The following CACNA1C variants were observed in gnomAD, a reference collection of about 807,000 sequenced individuals.
CACNA1C encodes the protein voltage-dependent L-type calcium channel subunit alpha-1C.
Under a neutral mutation model 229.0 loss-of-function variants are expected in CACNA1C, and 30 were observed. The ratio of observed to expected loss-of-function variants is 0.13; its 90% CI spans 0.10 to 0.18. The LOEUF is 0.18. Among genes scored for constraint, CACNA1C ranks in the 10% least tolerant of loss-of-function variants. The pLI is 1.00. For synonymous variants in CACNA1C, 1,114 were observed against 1,132.5 expected, an observed-to-expected ratio of 0.98 and a Z score of 0.33; for missense variants, 1,658 against 2,845.0, an observed-to-expected ratio of 0.58 and a Z score of 9.49.
chr12:2,509,059 G>A (rs546415672), intron 8 of CACNA1C, among the ~76,000 whole-genome samples: 8 of 152,286 alleles, frequency 5.3e-5, no homozygotes, highest in East Asian at 3.9e-4. Flanking sequence ...TGGGAAGTGC[G>A]CCTCCAGTTG....
At chr12:2,003,912 T>C (rs988131582) in intron 1 of CACNA1C, among the ~76,000 whole-genome samples, 1 of 152,144 alleles carries the variant, frequency 6.6e-6, no homozygotes, top group Admixed American at 6.5e-5. Flanking sequence ...GCCTCCCCCA[T>C]AGCCACAGAT....
intron 1 of CACNA1C, among the ~76,000 whole-genome samples, chr12:2,062,622 C>T (rs928620001): frequency 2.0e-5 from 3 of 152,198 alleles, no homozygotes; most frequent in African/African-American, 7.2e-5. Context: ...ACCCCGCCTC[C>T]CCTCCTGGTC....
rs116896129 is a variant in CACNA1C at position 2,668,479 on chromosome 12, A to G, written c.4624-454A>G. 1,325 of 167,472 alleles carry G rather than the reference A, an allele frequency of 7.9e-3. 10 individuals carry two copies. Among genetic ancestry groups the G allele is most frequent in the Non-Finnish European group, 0.013 (1,021 of 77,368 alleles). The allele number at this position is 167,472 out of a possible 1,614,324, so 10.4% of individuals were successfully genotyped here. A position where few individuals can be genotyped will look rare whatever the true frequency, so the allele number is the denominator to read the frequency against. On this transcript the variant is annotated intron_variant, in intron 37 of 46. Transcript: ENST00000399655. Reference sequence around the variant, plus strand: ...TATTAGGCCATCCTTGCACTGCTGTAAAGAAATACCTGAGACTGGGTAATT... The same window carrying G: ...TATTAGGCCATCCTTGCACTGCTGTGAAGAAATACCTGAGACTGGGTAATT...
At chr12:2,498,540 G>T (rs552426245) in intron 7 of CACNA1C, among the ~76,000 whole-genome samples, 3 of 152,270 alleles carry the variant, frequency 2.0e-5, no homozygotes, top group Non-Finnish European at 4.4e-5. Context: ...CATTTATTGA[G>T]CATTTGCTGT....
At chr12:2,158,620 G>A (rs990537432) in intron 3 of CACNA1C, among the ~76,000 whole-genome samples, 2 of 152,306 alleles carry the variant, frequency 1.3e-5, no homozygotes, top group East Asian at 1.9e-4. Context: ...GCTAGAAGGC[G>A]AAGGAGAATT....
At chr12:2,075,922 A>G (rs1264605627) in intron 1 of CACNA1C, among the ~76,000 whole-genome samples, 1 of 152,194 alleles carries the variant, frequency 6.6e-6, no homozygotes, top group African/African-American at 2.4e-5. Context: ...AATAATCTCT[A>G]GAGACTGTCA....
intron 3 of CACNA1C, among the ~76,000 whole-genome samples, chr12:2,314,756 C>G (rs140476877): frequency 4.6e-5 from 7 of 151,948 alleles, no homozygotes; most frequent in African/African-American, 1.7e-4. Context: ...GTGTTTCTAC[C>G]CATTCTGTCA....
At chr12:2,135,897 TC>T (rs1267635984) in intron 3 of CACNA1C, among the ~76,000 whole-genome samples, 1 of 148,376 alleles carries the variant, frequency 6.7e-6, no homozygotes, top group Non-Finnish European at 1.5e-5. Context: ...CGGGCGCCCC[TC>T]CCCCAGCCTC....
intron 4 of CACNA1C, among the ~76,000 whole-genome samples, chr12:2,451,549 A>G (rs2099369988): frequency 6.6e-6 from 1 of 152,222 alleles, no homozygotes; most frequent in African/African-American, 2.4e-5. Context: ...GAGACAAGAA[A>G]TACAGGGTGA....
intron 3 of CACNA1C, among the ~76,000 whole-genome samples, chr12:2,304,353 G>T (rs2094835094): frequency 6.6e-6 from 1 of 152,220 alleles, no homozygotes; most frequent in East Asian, 1.9e-4. Context: ...TCAGGGTCAG[G>T]CTTCACCAAG....
intron 3 of CACNA1C, among the ~76,000 whole-genome samples, chr12:2,169,312 A>G (rs1379774480): frequency 6.6e-6 from 1 of 152,116 alleles, no homozygotes; most frequent in African/African-American, 2.4e-5. Context: ...TGACTAAATG[A>G]TATTGTCTTA....
intron 9 of CACNA1C, among the ~76,000 whole-genome samples, chr12:2,540,596 G>A (rs573706414): frequency 6.6e-6 from 1 of 152,182 alleles, no homozygotes; most frequent in Non-Finnish European, 1.5e-5. Flanking sequence ...AGCACACACA[G>A]GGCACGGCAG....
At chr12:2,565,391 C>T (rs1042299205) in intron 11 of CACNA1C, among the ~76,000 whole-genome samples, 9 of 151,166 alleles carry the variant, frequency 6.0e-5, no homozygotes, top group East Asian at 5.9e-4. Flanking sequence ...GGCGTGAACC[C>T]GGGAAGCGGA....
At chr12:2,350,262 TGATGA>T (rs2097166309) in intron 3 of CACNA1C, among the ~76,000 whole-genome samples, 1 of 152,078 alleles carries the variant, frequency 6.6e-6, no homozygotes, top group African/African-American at 2.4e-5. Context: ...GGGTGGGTTG[TGATGA>T]GATGAGTGAT....
chr12:2,542,561 A>G (rs370753003), intron 9 of CACNA1C, among the ~76,000 whole-genome samples: 7 of 152,276 alleles, frequency 4.6e-5, no homozygotes. Flanking sequence ...CAGCGAGTAA[A>G]CCCTCAGAGG....
intron 3 of CACNA1C, among the ~76,000 whole-genome samples, chr12:2,256,529 C>T (rs999314293): frequency 1.3e-5 from 2 of 152,138 alleles, no homozygotes; most frequent in Non-Finnish European, 2.9e-5. Flanking sequence ...AAGCTATAAT[C>T]CTGGCCCCTG....
intron 3 of CACNA1C, among the ~76,000 whole-genome samples, chr12:2,420,841 C>T (rs2098971157): frequency 6.6e-6 from 1 of 152,228 alleles, no homozygotes; most frequent in Admixed American, 6.5e-5. Flanking sequence ...CTCACGATCA[C>T]TGTGAAGATG....
At position 2,290,896 on chromosome 12, in the gene CACNA1C, C is replaced by T. The variant is rs1026827829; in HGVS notation, c.478-158080C>T. On this transcript the variant is annotated intron_variant, in intron 3 of 46. Coordinates refer to ENST00000399655, the MANE Select transcript of CACNA1C (RefSeq NM_000719.7). ...TGGGGACCTAGGGATGCTGTCTGGA[C>T]TGCTCTAAAATAGCCCTTCTGTGGC... Among the ~76,000 whole-genome samples the T allele has an allele frequency of 3.3e-5, 5 of 152,232 alleles. No homozygotes were observed. In the East Asian group the frequency reaches 7.7e-4, roughly 23 times the overall value.
rs1258421090 is a variant in CACNA1C, at chr12:2,585,492, C to T, written c.2456C>T (p.Thr819Ile). The change falls in exon 17 of 47, where the codon ACC becomes ATC. Residue 819 changes from threonine to isoleucine, a missense_variant. Thr to Ile is a moderately conservative substitution (Grantham distance 89). Coordinates refer to ENST00000399655, the MANE Select transcript of CACNA1C (RefSeq NM_000719.7). This position sits in a 1 kb window ranked among gnomAD's most constrained non-coding sequence, Gnocchi z 4.1. ...ITADGESPPA[T>I]KINMDDLQPN... ...GCTGACGGAGAGTCTCCACCCGCCA[C>T]CAAGGTGAGGAGCTGTCTCCTTCCT... 5 of 1,559,108 alleles carry T rather than the reference C, an allele frequency of 3.2e-6. No individual in the cohort carries two copies.
Sources: gnomAD v4.1 joint callset for allele counts (sites outside exome capture counted in the v4.1 genomes callset) on GRCh38, gnomAD v4.1.1 for gene constraint, Gnocchi (gnomAD v3.1) non-coding constraint, MANE v1.5 for transcripts, NCBI Gene and HGNC (gene_info 2026-07-23, HGNC 2026-07-21) for gene names.